The following CPZ variants were observed in gnomAD, a reference collection of about 807,000 sequenced individuals.
CPZ encodes the protein VEZT/CPZ fusion.
CPZ carries 103 observed loss-of-function variants against 61.8 expected under a neutral mutation model. The ratio of observed to expected loss-of-function variants is 1.67; its 90% CI spans 1.42 to 1.96. CPZ has a LOEUF of 1.96. Ranked by LOEUF, CPZ falls within the 30% of genes most tolerant of loss-of-function variation. CPZ has a pLI of 0.00. For synonymous variants in CPZ, 551 were observed against 373.7 expected (o/e 1.47, Z -5.47); for missense variants, 1,461 against 914.9 (o/e 1.60, Z -7.70).
intron 8 of CPZ, among the ~76,000 whole-genome samples, chr4:8,612,628 C>T (rs1475380142): frequency 6.6e-6 from 1 of 152,196 alleles, no homozygotes; most frequent in East Asian, 1.9e-4. Flanking sequence ...TCTCTGGAGC[C>T]CGACTTGAAG....
At position 8,619,428 on chromosome 4, in the gene CPZ, C is replaced by T. The variant is rs1380356985; in HGVS notation, c.1770C>T (p.Asn590=). Residue 590 remains asparagine, a synonymous_variant, in exon 11 of 11, where the codon AAC becomes AAT. Coordinates refer to ENST00000360986, the MANE Select transcript of CPZ (RefSeq NM_001014447.3). ...AACCTCTGGGGATGGGACCCAAGAA[C>T]TTTATTCATGGGCTGCGGAGGACTG... ...ILQPLGMGPK[N]FIHGLRRTGP... 1 of 1,613,906 alleles carries T rather than the reference C, an allele frequency of 6.2e-7. No individual in the cohort carries two copies. Among genetic ancestry groups the T allele is most frequent in the Non-Finnish European group, 8.5e-7 (1 of 1,179,972 alleles).
At chr4:8,597,456 C>T (rs1363216476) in intron 1 of CPZ, 1 of 152,210 alleles carries the variant, frequency 6.6e-6, no homozygotes, top group African/African-American at 2.4e-5. Flanking sequence ...CCATGAAGGC[C>T]TGGGAGTCAC....
intron 1 of CPZ, among the ~76,000 whole-genome samples, chr4:8,596,140 C>T (rs183013765): frequency 1.2e-4 from 18 of 152,278 alleles, no homozygotes; most frequent in Admixed American, 1.1e-3. Flanking sequence ...CAACCTCCAC[C>T]TCCCAGGTTC....
At chr4:8,605,007 TG>T (rs1209803006) in intron 4 of CPZ, among the ~76,000 whole-genome samples, 1 of 152,220 alleles carries the variant, frequency 6.6e-6, no homozygotes, top group African/African-American at 2.4e-5. Context: ...TAACATGCTC[TG>T]GGCAGGAGGC....
Position 8,610,376 on chromosome 4 carries a change from C to T in CPZ, c.1228-1651C>T, listed in dbSNP as rs112052073. ...TTTGGGGACTGGTGGTCGGCAGCCA[C>T]CTTCCATGCCTTAGCCCTAGAGACT... On this transcript the variant is annotated intron_variant, in intron 7 of 10. Transcript: ENST00000360986. 1.6e-3 allele frequency among the ~76,000 whole-genome samples: 245 copies of T among 152,290 alleles called. 2 individuals carry two copies. Among genetic ancestry groups the T allele is most frequent in the African/African-American group, 5.7e-3 (236 of 41,544 alleles).
chr4:8,604,293 G>C (rs2109321378), intron 4 of CPZ, 105 bp downstream of exon 4: 1 of 1,120,178 alleles, frequency 8.9e-7, no homozygotes, highest in Non-Finnish European at 1.2e-6. Context: ...GTCCTGGGCA[G>C]AGCTGGGGGC....
Position 8,619,521 on chromosome 4 carries a change from G to C in CPZ, c.1863G>C (p.Ala621=), listed in dbSNP as rs374358121. The C allele has an allele frequency of 3.8e-6, 6 of 1,593,286 alleles. No individual in the cohort carries two copies. The highest frequency in any genetic ancestry group is 1.7e-4 in the Middle Eastern group (1 of 5,916). The change falls in exon 11 of 11, where the codon GCG becomes GCC. Residue 621 remains alanine (A), a synonymous_variant. Transcript: ENST00000360986. ...GEATEPDPLR[A]RRQPSADGSK... is the part of the protein sequence containing the mutation. ...CCACGGAGCCCGACCCGCTCCGGGC[G>C]CGCAGGCAGCCCTCGGCCGACGGGA... is the stretch of plus-strand genomic sequence containing the variant.
At chr4:8,606,307 G>A in intron 5 of CPZ, 122 bp downstream of exon 5, 1 of 1,002,916 alleles carries the variant, frequency 1.0e-6, no homozygotes, top group Non-Finnish European at 1.4e-6. Context: ...GGAGCATTCA[G>A]CAGGTGTCGA....
chr4:8,604,220 C>A (rs773847191), intron 4 of CPZ, 32 bp downstream of exon 4: 1 of 1,496,148 alleles, frequency 6.7e-7, no homozygotes, highest in Non-Finnish European at 9.0e-7. Flanking sequence ...TGGCCTGGCC[C>A]CGTTTCGGGA....
intron 2 of CPZ, among the ~76,000 whole-genome samples, chr4:8,600,479 C>T (rs147835581): frequency 1.3e-5 from 2 of 152,322 alleles, no homozygotes; most frequent in Admixed American, 6.5e-5. Context: ...CCCGACGGGG[C>T]TGGAGGGCCC....
At chr4:8,599,336 C>G in intron 1 of CPZ, 117 bp from the exon 2 acceptor site, 1 of 1,221,350 alleles carries the variant, frequency 8.2e-7, no homozygotes, top group Non-Finnish European at 1.1e-6. Flanking sequence ...TGAGATGGAG[C>G]TGGCGGAGGG....
At chr4:8,614,875 G>A (rs577528743) in intron 9 of CPZ, among the ~76,000 whole-genome samples, 14 of 152,092 alleles carry the variant, frequency 9.2e-5, no homozygotes, top group African/African-American at 3.1e-4. Context: ...CTTGAAGAAG[G>A]GTAGGAGAAA....
At chr4:8,597,051 G>A (rs987232965) in intron 1 of CPZ, among the ~76,000 whole-genome samples, 1 of 152,228 alleles carries the variant, frequency 6.6e-6, no homozygotes, top group African/African-American at 2.4e-5. Context: ...GAGTGGAGCA[G>A]GGGTGCTGGG....
At chr4:8,607,475 C>G in intron 7 of CPZ, 50 bp downstream of exon 7, 1 of 1,585,698 alleles carries the variant, frequency 6.3e-7, no homozygotes, top group Non-Finnish European at 8.6e-7. Context: ...TGTGCGCGGT[C>G]CCCTTGGAGC....
chr4:8,612,296 C>T (rs1330840835), intron 8 of CPZ, 134 bp downstream of exon 8: 9 of 750,330 alleles, frequency 1.2e-5, no homozygotes, highest in African/African-American at 9.0e-5. Flanking sequence ...CGATGCCTCA[C>T]CTGGTGGAGA....
intron 2 of CPZ, 174 bp downstream of exon 2, chr4:8,599,659 A>G (rs1714429749): frequency 1.2e-5 from 17 of 1,431,454 alleles, no homozygotes; most frequent in Non-Finnish European, 1.6e-5. Flanking sequence ...TAGACATAAC[A>G]AAAAAAGACC....
At chr4:8,618,960 A>C (rs1716446402) in intron 10 of CPZ, among the ~76,000 whole-genome samples, 1 of 150,608 alleles carries the variant, frequency 6.6e-6, no homozygotes, top group Non-Finnish European at 1.5e-5. Flanking sequence ...GATATGTGTT[A>C]CCTGGCAGAG....
chr4:8,592,937 G>GCCCCC lies in CPZ; in HGVS notation c.88+17_88+21dup. The GCCCCC allele has an allele frequency of 6.6e-7, 1 of 1,520,834 alleles. No individual in the cohort carries two copies. The highest frequency in any genetic ancestry group is 1.2e-5 in the South Asian group (1 of 83,034). The allele number at this position is 1,520,834 out of a possible 1,614,324, so 94.2% of individuals were successfully genotyped here. ...AACCCCGCCGGTAAGGCCGTCCCCTGCCCCCACCCTCCACCCTCCACCCTG... is the reference window on the plus strand; with the variant it reads ...AACCCCGCCGGTAAGGCCGTCCCCTGCCCCCCCCCCACCCTCCACCCTCCACCCTG... On this transcript the variant is annotated intron_variant, in intron 1 of 10. Coordinates refer to ENST00000360986, the MANE Select transcript of CPZ (RefSeq NM_001014447.3).
chr4:8,604,327 C>T lies in CPZ; in HGVS notation c.709+139C>T. ...GCCTCAGGGAGCTGCTTGGTGCAGG[C>T]CACGTCCCGCTGGGCATGTGCAACC... On this transcript the variant is annotated intron_variant, in intron 4 of 10. Coordinates refer to ENST00000360986, the MANE Select transcript of CPZ (RefSeq NM_001014447.3). 6.9e-6 allele frequency: 5 copies of T among 720,884 alleles called. 1 individual carries two copies. The highest frequency in any genetic ancestry group is 4.0e-4 in the Middle Eastern group (1 of 2,498). The allele number at this position is 720,884 out of a possible 1,614,324, so 44.7% of individuals were successfully genotyped here.
Sources: gnomAD v4.1 joint callset for allele counts (sites outside exome capture counted in the v4.1 genomes callset) on GRCh38, gnomAD v4.1.1 for gene constraint, MANE v1.5 for transcripts, NCBI Gene and HGNC (gene_info 2026-07-23, HGNC 2026-07-21) for gene names.